The following ACOXL variants were observed in gnomAD, a reference collection of about 807,000 sequenced individuals.
ACOXL encodes the protein acyl-coenzyme A oxidase-like protein.
Under a neutral mutation model 71.9 loss-of-function variants are expected in ACOXL, and 70 were observed. The observed-to-expected ratio is 0.97, with a 90% CI of 0.80 to 1.19. ACOXL has a LOEUF of 1.19. Ranked by LOEUF, ACOXL falls within the 50% of genes most tolerant of loss-of-function variation. The pLI, the probability that ACOXL is intolerant of heterozygous loss-of-function variation, is 0.00. For missense variants in ACOXL, 703 were observed against 736.3 expected (o/e 0.95, Z 0.52); for synonymous variants, 253 against 281.6 (o/e 0.90, Z 1.02).
intron 9 of ACOXL, among the ~76,000 whole-genome samples, chr2:110,825,255 T>G (rs543367473): frequency 1.3e-5 from 2 of 152,330 alleles, no homozygotes; most frequent in African/African-American, 4.8e-5. Context: ...ACAGATTTTT[T>G]CACAGAGTTT....
intron 10 of ACOXL, among the ~76,000 whole-genome samples, chr2:110,869,104 C>T (rs962509628): frequency 6.6e-6 from 1 of 152,090 alleles, no homozygotes; most frequent in Admixed American, 6.6e-5. Context: ...TACTGTTTGC[C>T]CTCTTTGTAG....
chr2:110,866,428 C>A (rs1694593821), intron 10 of ACOXL, among the ~76,000 whole-genome samples: 1 of 152,068 alleles, frequency 6.6e-6, no homozygotes, highest in Non-Finnish European at 1.5e-5. Flanking sequence ...TTAAGTGAGT[C>A]ATTTAGAATG....
chr2:110,738,725 T>A (rs981248178), intron 1 of ACOXL, among the ~76,000 whole-genome samples: 12 of 152,212 alleles, frequency 7.9e-5, no homozygotes, highest in Admixed American at 7.9e-4. Context: ...CCTTTTAATA[T>A]GGAAACTTGT....
At chr2:111,004,158 T>G (rs2063768025) in intron 14 of ACOXL, among the ~76,000 whole-genome samples, 2 of 152,266 alleles carry the variant, frequency 1.3e-5, no homozygotes, top group African/African-American at 4.8e-5. Flanking sequence ...TCTAGAATTC[T>G]GAGATCTTCT....
chr2:110,769,252 AAGAAAGAAAG>A (rs1454229008), intron 2 of ACOXL, among the ~76,000 whole-genome samples: 28 of 152,038 alleles, frequency 1.8e-4, no homozygotes, highest in African/African-American at 6.3e-4. Context: ...GAAAGAAAGA[AAGAAAGAAAG>A]AAAAAAATAC....
chr2:111,081,286 C>A (rs968984731), intron 16 of ACOXL, among the ~76,000 whole-genome samples: 2 of 152,204 alleles, frequency 1.3e-5, no homozygotes, highest in African/African-American at 4.8e-5. Context: ...CGTCTCAGCC[C>A]AGAATCTCCT....
chr2:110,963,635 G>A, intron 12 of ACOXL: 2 of 1,612,868 alleles, frequency 1.2e-6, no homozygotes, highest in Admixed American at 1.7e-5. Context: ...GTTACATGAT[G>A]GAAAATCGAA....
chr2:111,022,855 G>A (rs558100536), intron 14 of ACOXL, among the ~76,000 whole-genome samples: 1 of 152,280 alleles, frequency 6.6e-6, no homozygotes, highest in South Asian at 2.1e-4. Flanking sequence ...GAGAAGAAAA[G>A]GAAGGAGAAG....
At chr2:111,116,474 T>G (rs1025669154) in intron 17 of ACOXL, among the ~76,000 whole-genome samples, 1 of 152,156 alleles carries the variant, frequency 6.6e-6, no homozygotes, top group Non-Finnish European at 1.5e-5. Flanking sequence ...CCTTCCTCCT[T>G]GGGACCTCAC....
At chr2:110,921,426 A>G (rs1293153686) in intron 11 of ACOXL, among the ~76,000 whole-genome samples, 1 of 101,976 alleles carries the variant, frequency 9.8e-6, no homozygotes, top group Non-Finnish European at 1.8e-5. Context: ...AGAGTCTTGC[A>G]TTGTTTCCCA....
At chr2:110,928,530 T>C (rs1250145076) in intron 11 of ACOXL, among the ~76,000 whole-genome samples, 1 of 152,270 alleles carries the variant, frequency 6.6e-6, no homozygotes, top group Non-Finnish European at 1.5e-5. Context: ...TTTAAAAATA[T>C]GATTCTAATA....
intron 10 of ACOXL, among the ~76,000 whole-genome samples, chr2:110,894,959 G>T (rs1558688447): frequency 6.6e-6 from 1 of 152,220 alleles, no homozygotes; most frequent in Non-Finnish European, 1.5e-5. Flanking sequence ...GCTTAAATAA[G>T]ATCTAGAGTC....
At chr2:111,020,361 C>A (rs114863587) in intron 14 of ACOXL, among the ~76,000 whole-genome samples, 2,888 of 152,306 alleles carry the variant, frequency 0.019, 45 homozygotes, top group Middle Eastern at 0.041. Context: ...GACATGCCGG[C>A]TTGGTGGGAG....
intron 1 of ACOXL, among the ~76,000 whole-genome samples, chr2:110,759,190 T>C (rs1321977793): frequency 6.6e-6 from 1 of 152,182 alleles, no homozygotes; most frequent in African/African-American, 2.4e-5. Flanking sequence ...ATCTGTCAGG[T>C]CTACTTGATC....
intron 17 of ACOXL, among the ~76,000 whole-genome samples, chr2:111,096,224 A>AATTATT (rs67800488): frequency 0.19 from 27,949 of 145,120 alleles, 2,711 homozygotes; most frequent in Middle Eastern, 0.26. Context: ...TTATTTTTAA[A>AATTATT]ATTATTATTA....
chr2:110,791,712 G>A (rs1004514751), intron 3 of ACOXL, among the ~76,000 whole-genome samples: 1 of 152,210 alleles, frequency 6.6e-6, no homozygotes, highest in African/African-American at 2.4e-5. Context: ...ATGCCAGAGT[G>A]TGTTAGCTGG....
intron 2 of ACOXL, among the ~76,000 whole-genome samples, chr2:110,781,530 T>C (rs1227113955): frequency 6.6e-6 from 1 of 151,948 alleles, no homozygotes. Flanking sequence ...TAATCCCAGC[T>C]ACTCGGGAAG....
At chr2:110,751,443 C>A (rs1413034279) in intron 1 of ACOXL, among the ~76,000 whole-genome samples, 1 of 152,018 alleles carries the variant, frequency 6.6e-6, no homozygotes, top group African/African-American at 2.4e-5. Context: ...ATCTATTGAT[C>A]TCTCTATTCA....
intron 16 of ACOXL, among the ~76,000 whole-genome samples, chr2:111,077,929 T>C (rs2067685511): frequency 6.6e-6 from 1 of 152,204 alleles, no homozygotes; most frequent in Non-Finnish European, 1.5e-5. Flanking sequence ...TCACTAAACT[T>C]CTGAAACCTG....
Sources: allele counts gnomAD v4.1 joint callset (sites outside exome capture counted in the v4.1 genomes callset), GRCh38; gene constraint gnomAD v4.1.1; transcripts MANE v1.5; gene names NCBI Gene and HGNC (gene_info 2026-07-23, HGNC 2026-07-21).